BRD4: variants seen among roughly 807,000 people sequenced by gnomAD.
The protein encoded by BRD4 is bromodomain-containing protein 4.
A neutral mutation model predicts 142.1 loss-of-function variants in BRD4; 16 were observed. The ratio of observed to expected loss-of-function variants is 0.11; its 90% CI spans 0.08 to 0.17. BRD4 has a LOEUF of 0.17. BRD4 is among the 10% of genes least tolerant of loss of function. BRD4 has a pLI of 1.00. For missense variants in BRD4, 1,424 were observed against 1,810.9 expected (o/e 0.79, Z 3.88); for synonymous variants, 833 against 707.5 (o/e 1.18, Z -2.82).
rs1156409278 is a variant in BRD4 at position 15,244,921 on chromosome 19, G to C, written c.2159-159C>G. 3 of 1,287,204 alleles carry C rather than the reference G, an allele frequency of 2.3e-6. No homozygotes were observed. In the African/African-American group the frequency reaches 4.5e-5, roughly 19 times the overall value. The allele number at this position is 1,287,204 out of a possible 1,614,324, so 79.7% of individuals were successfully genotyped here. On this transcript the variant is annotated intron_variant, in intron 11 of 19. Coordinates refer to ENST00000679869, the MANE Select transcript of BRD4 (RefSeq NM_001379291.1). The stretch of plus-strand genomic sequence containing the variant: ...AATGAGGGATGAGTTGGTCATCACG[G>C]GAGAGGGAGAGACATGCGAGGCATC...
At position 15,238,058 on chromosome 19, in the gene BRD4, T is replaced by A; in HGVS notation, c.*319A>T. ...TGTCCTGTGTATACTGTGTAGACAT[T>A]TGGCGGAGAGAAGGGCCTCTGCCCC... is the stretch of plus-strand genomic sequence containing the variant. On this transcript the variant is annotated 3_prime_UTR_variant, in exon 20 of 20. Coordinates refer to ENST00000679869, the MANE Select transcript of BRD4 (RefSeq NM_001379291.1). The surrounding 1 kb of genome is among the most constrained non-coding windows in gnomAD (Gnocchi z 7.2). The A allele has an allele frequency of 2.4e-6, 1 of 410,476 alleles. No individual in the cohort carries two copies. Among genetic ancestry groups the A allele is most frequent in the Non-Finnish European group, 4.5e-6 (1 of 223,020 alleles). The allele number at this position is 410,476 out of a possible 1,614,324, so 25.4% of individuals were successfully genotyped here.
intron 11 of BRD4, among the ~76,000 whole-genome samples, chr19:15,251,861 G>A (rs2047351128): frequency 6.6e-6 from 1 of 152,196 alleles, no homozygotes; most frequent in Non-Finnish European, 1.5e-5. Flanking sequence ...AGGGAGCCAG[G>A]CAAAACCCAA....
At position 15,264,390 on chromosome 19, in the gene BRD4, C is replaced by T. The variant is rs768134667; in HGVS notation, c.1212+14G>A. 2 of 1,580,728 alleles carry T rather than the reference C, an allele frequency of 1.3e-6. No homozygotes were observed. Among genetic ancestry groups the T allele is most frequent in the Non-Finnish European group, 8.6e-7 (1 of 1,158,920 alleles). The stretch of plus-strand genomic sequence containing the variant: ...TGCCCACCTTGTCCCTTCCCTCAGG[C>T]ACATCCCGCTAACCTTGATTGTGCT... On this transcript the variant is annotated intron_variant, in intron 6 of 19. Coordinates refer to ENST00000679869, the MANE Select transcript of BRD4 (RefSeq NM_001379291.1).
intron 1 of BRD4, among the ~76,000 whole-genome samples, chr19:15,311,134 T>C (rs957062739): frequency 1.5e-4 from 23 of 151,386 alleles, no homozygotes; most frequent in Non-Finnish European, 2.5e-4. Flanking sequence ...GTATTAAAAA[T>C]ACAAAAATTA....
At chr19:15,269,162 G>A in intron 2 of BRD4, 120 bp from the exon 3 acceptor site, 1 of 1,104,530 alleles carries the variant, frequency 9.1e-7, no homozygotes, top group Non-Finnish European at 1.3e-6. Flanking sequence ...ATCCACGGGA[G>A]CCACAGCTCC....
intron 11 of BRD4, among the ~76,000 whole-genome samples, chr19:15,245,568 C>T (rs2047278546): frequency 6.6e-6 from 1 of 152,170 alleles, no homozygotes; most frequent in African/African-American, 2.4e-5. Flanking sequence ...GGTGTGTCTG[C>T]CCCTGAGAGG....
At position 15,243,033 on chromosome 19, in the gene BRD4, C is replaced by A; in HGVS notation, c.3036G>T (p.Pro1012=). Residue 1012 remains proline (P), a synonymous_variant, in exon 14 of 20, where the codon CCG becomes CCT. Coordinates refer to ENST00000679869, the MANE Select transcript of BRD4 (RefSeq NM_001379291.1). ...MQFSTHIQQP[P]PPQGQQPPHP... is the part of the protein sequence containing the mutation. ...GGGGGGGCTGCTGGCCCTGGGGTGG[C>A]GGGGGCTGTTGGATGTGGGTGGAAA... is the stretch of plus-strand genomic sequence containing the variant. The A allele has an allele frequency of 6.6e-6, 2 of 301,834 alleles. No homozygotes were observed. The highest frequency in any genetic ancestry group is 9.2e-6 in the Non-Finnish European group (2 of 216,886). 18.7% of individuals were successfully genotyped at this position (301,834 alleles called of 1,614,324 possible). A position where few individuals can be genotyped will look rare whatever the true frequency, so the allele number is the denominator to read the frequency against.
At chr19:15,316,177 AAAAG>A in intron 1 of BRD4, among the ~76,000 whole-genome samples, 1 of 151,012 alleles carries the variant, frequency 6.6e-6, no homozygotes, top group Non-Finnish European at 1.5e-5. Flanking sequence ...AAAAAAAAAA[AAAAG>A]ACTGAGAAGC....
intron 1 of BRD4, among the ~76,000 whole-genome samples, chr19:15,327,135 C>G (rs373583626): frequency 2.0e-5 from 3 of 152,154 alleles, no homozygotes; most frequent in African/African-American, 7.2e-5. Context: ...TACCTAAGTA[C>G]TAGAAACATC....
At chr19:15,244,099 G>A in intron 13 of BRD4, 132 bp downstream of exon 13, 1 of 1,494,856 alleles carries the variant, frequency 6.7e-7, no homozygotes, top group East Asian at 2.5e-5. Flanking sequence ...GCCTCGAGAA[G>A]CCACAGATCT....
chr19:15,316,802 G>A (rs561114738), intron 1 of BRD4, among the ~76,000 whole-genome samples: 9 of 152,118 alleles, frequency 5.9e-5, no homozygotes, highest in Non-Finnish European at 1.2e-4. Flanking sequence ...TCCCTCTTCT[G>A]ATCATCCCCT....
At chr19:15,318,287 T>G (rs939360794) in intron 1 of BRD4, among the ~76,000 whole-genome samples, 1 of 151,636 alleles carries the variant, frequency 6.6e-6, no homozygotes, top group African/African-American at 2.4e-5. Flanking sequence ...CTATAGAGAT[T>G]GGGGCGGGGG....
intron 1 of BRD4, among the ~76,000 whole-genome samples, chr19:15,295,676 C>T (rs924447237): frequency 6.6e-6 from 1 of 152,250 alleles, no homozygotes; most frequent in Admixed American, 6.5e-5. Context: ...AGAAATAAAA[C>T]TGCCTTTGTG....
chr19:15,257,164 C>T lies in BRD4; in HGVS notation c.1351G>A (p.Glu451Lys). The T allele has an allele frequency of 1.9e-6, 3 of 1,605,846 alleles. No individual in the cohort carries two copies. Among genetic ancestry groups the T allele is most frequent in the Non-Finnish European group, 2.5e-6 (3 of 1,178,396 alleles). Residue 451 changes from glutamate (E) to lysine (K), a missense_variant, in exon 8 of 20, where the codon GAA (glutamate) becomes AAA (lysine). Coordinates refer to ENST00000679869, the MANE Select transcript of BRD4 (RefSeq NM_001379291.1). The stretch of plus-strand genomic sequence containing the variant: ...TCCGGCATCTTGGCAAAGCGCATTT[C>T]GAACACATCCTGGTGAGGGAAAGAC... ...AMARKLQDVF[E>K]MRFAKMPDEP...
chr19:15,251,746 G>A (rs955516668), intron 11 of BRD4, among the ~76,000 whole-genome samples: 47 of 152,296 alleles, frequency 3.1e-4, no homozygotes, highest in Non-Finnish European at 7.3e-5. Context: ...CCCTCGCAGC[G>A]GCCCCTCCTG....
At chr19:15,314,447 T>C (rs1362261408) in intron 1 of BRD4, among the ~76,000 whole-genome samples, 7 of 152,162 alleles carry the variant, frequency 4.6e-5, no homozygotes, top group Non-Finnish European at 1.0e-4. Flanking sequence ...GTGTTCTTAC[T>C]ACACAGGGGC....
At chr19:15,253,351 G>T in intron 11 of BRD4, 1 of 596,202 alleles carries the variant, frequency 1.7e-6, no homozygotes. Context: ...CACACTTGGA[G>T]GAGAGCAGTC....
chr19:15,304,206 T>C (rs776508892), intron 1 of BRD4, among the ~76,000 whole-genome samples: 10 of 152,190 alleles, frequency 6.6e-5, no homozygotes, highest in Non-Finnish European at 1.5e-4. Flanking sequence ...TGCTGACGAC[T>C]ACCAGGTCCC....
chr19:15,296,574 G>A (rs2047824663), intron 1 of BRD4, among the ~76,000 whole-genome samples: 1 of 152,222 alleles, frequency 6.6e-6, no homozygotes, highest in Admixed American at 6.5e-5. Flanking sequence ...ACCAGCCAGT[G>A]TGTCTTTAGA....
Sources: gnomAD v4.1 joint callset for allele counts (sites outside exome capture counted in the v4.1 genomes callset) on GRCh38, gnomAD v4.1.1 for gene constraint, Gnocchi (gnomAD v3.1) non-coding constraint, MANE v1.5 for transcripts, NCBI Gene and HGNC (gene_info 2026-07-23, HGNC 2026-07-21) for gene names.